STK33: variants seen among roughly 807,000 people sequenced by gnomAD.
STK33 encodes serine/threonine kinase 33, also known as serine/threonine-protein kinase 33.
In STK33, 52 loss-of-function variants were observed where a neutral mutation model predicts 58.0. The ratio of observed to expected loss-of-function variants is 0.90; its 90% CI spans 0.72 to 1.13. The LOEUF (loss-of-function observed/expected upper bound fraction) is 1.13, where lower values mean the gene tolerates loss of function less well. STK33 is among the 50% of genes most tolerant of loss of function. The probability of loss-of-function intolerance (pLI) is 0.00; values close to 1 mark genes in which losing one functional copy is unlikely to be tolerated. For synonymous variants in STK33, 215 were observed against 200.1 expected (o/e 1.07, Z -0.63); for missense variants, 630 against 604.2 (o/e 1.04, Z -0.45).
chr11:8,388,737 G>T (rs987249921), downstream of STK33, among the ~76,000 whole-genome samples: 1 of 152,124 alleles, frequency 6.6e-6, no homozygotes, highest in African/African-American at 2.4e-5. Flanking sequence ...CTCCTCCCAG[G>T]TTCTGTTGGC....
chr11:8,360,568 G>C, the STK33 span, among the ~76,000 whole-genome samples: 4 of 152,234 alleles, frequency 2.6e-5, no homozygotes, highest in African/African-American at 9.6e-5. Context: ...ACAGTCTGAT[G>C]GGCTCTCTGC....
At chr11:8,531,730 A>T (rs1591655040) in intron 1 of STK33, among the ~76,000 whole-genome samples, 2 of 152,312 alleles carry the variant, frequency 1.3e-5, no homozygotes, top group South Asian at 4.1e-4. Flanking sequence ...AGTCAGCATC[A>T]CTTCTGCCAT....
intron 1 of STK33, among the ~76,000 whole-genome samples, chr11:8,550,211 C>G (rs1272498273): frequency 1.3e-5 from 2 of 152,176 alleles, no homozygotes; most frequent in Non-Finnish European, 1.5e-5. Context: ...CTGTTTGAAA[C>G]TCTACATAAT....
the STK33 span, among the ~76,000 whole-genome samples, chr11:8,363,902 G>A: frequency 6.6e-6 from 1 of 152,142 alleles, no homozygotes; most frequent in African/African-American, 2.4e-5. Context: ...TCATTTCTTT[G>A]TAAAAAGCTT....
intron 8 of STK33, among the ~76,000 whole-genome samples, chr11:8,461,139 T>C (rs181397183): frequency 2.6e-3 from 392 of 152,312 alleles, no homozygotes; most frequent in African/African-American, 8.8e-3. Flanking sequence ...AACTAAGAAG[T>C]GGTGGAGCCA....
At chr11:8,358,009 C>T in the STK33 span, among the ~76,000 whole-genome samples, 8 of 152,300 alleles carry the variant, frequency 5.3e-5, no homozygotes, top group Admixed American at 3.3e-4. Context: ...TCTCTGGCCC[C>T]GCCTCCCCAT....
chr11:8,383,720 C>T, the STK33 span, among the ~76,000 whole-genome samples: 11 of 152,170 alleles, frequency 7.2e-5, no homozygotes, highest in Non-Finnish European at 1.3e-4. Flanking sequence ...CATTTCATGT[C>T]ATTCCACTCC....
At chr11:8,410,221 A>C (rs1939970201) in intron 15 of STK33, among the ~76,000 whole-genome samples, 1 of 152,230 alleles carries the variant, frequency 6.6e-6, no homozygotes, top group African/African-American at 2.4e-5. Context: ...TCAACATATC[A>C]AAGTATTAAA....
chr11:8,401,118 C>T (rs1001500082), intron 15 of STK33, among the ~76,000 whole-genome samples: 7 of 152,164 alleles, frequency 4.6e-5, no homozygotes, highest in Non-Finnish European at 1.0e-4. Context: ...GAAAAAACTG[C>T]TTTAAAGTTA....
intron 1 of STK33, among the ~76,000 whole-genome samples, chr11:8,562,027 G>T (rs1957146908): frequency 6.6e-6 from 1 of 152,158 alleles, no homozygotes; most frequent in African/African-American, 2.4e-5. Context: ...CTGACCACCA[G>T]AGAGGGATTG....
chr11:8,562,793 T>C, intron 1 of STK33, among the ~76,000 whole-genome samples: 1 of 152,294 alleles, frequency 6.6e-6, no homozygotes, highest in South Asian at 2.1e-4. Context: ...ATGCATAGGA[T>C]ATTAACTATC....
chr11:8,519,520 A>C (rs1487181862), intron 1 of STK33, among the ~76,000 whole-genome samples: 1 of 152,172 alleles, frequency 6.6e-6, no homozygotes, highest in African/African-American at 2.4e-5. Context: ...ACAGAGACAC[A>C]AAAAACCCTT....
At chr11:8,508,177 C>T (rs1024502491) in intron 1 of STK33, among the ~76,000 whole-genome samples, 2 of 151,958 alleles carry the variant, frequency 1.3e-5, no homozygotes, top group Non-Finnish European at 2.9e-5. Context: ...AGGTGTGAAC[C>T]ACCACGCCCA....
chr11:8,508,266 CTTTT>C (rs34759366), intron 1 of STK33, among the ~76,000 whole-genome samples: 4 of 114,252 alleles, frequency 3.5e-5, no homozygotes, highest in Non-Finnish European at 5.1e-5. Flanking sequence ...ACCTTCTATT[CTTTT>C]TTTTTTTTTT....
chr11:8,505,863 CCTTA>C (rs755918525), intron 1 of STK33, among the ~76,000 whole-genome samples: 2 of 152,178 alleles, frequency 1.3e-5, no homozygotes, highest in Non-Finnish European at 2.9e-5. Context: ...CCAACTCTGC[CCTTA>C]CTAACTAGCT....
At chr11:8,466,136 T>A (rs890313244) in intron 6 of STK33, 1 of 152,140 alleles carries the variant, frequency 6.6e-6, no homozygotes, top group African/African-American at 2.4e-5. Context: ...GGTGGGGACA[T>A]AGAGCCAAAC....
At chr11:8,371,767 CCCTCCATCCCTTCGTTCCTTTCTCCCT>C in the STK33 span, among the ~76,000 whole-genome samples, 1 of 135,118 alleles carries the variant, frequency 7.4e-6, no homozygotes, top group Non-Finnish European at 1.6e-5. Flanking sequence ...CTTCCTCTTT[CCCTCCATCCCTTCGTTCCTTTCTCCCT>C]CTCCCTCTCT....
intron 1 of STK33, among the ~76,000 whole-genome samples, chr11:8,523,743 G>T (rs903292585): frequency 6.6e-6 from 1 of 151,740 alleles, no homozygotes; most frequent in African/African-American, 2.4e-5. Flanking sequence ...TGGGAGGTGG[G>T]GGGCGCCTCT....
chr11:8,441,782 T>C (rs975016964), intron 11 of STK33, among the ~76,000 whole-genome samples: 1 of 152,134 alleles, frequency 6.6e-6, no homozygotes, highest in African/African-American at 2.4e-5. Flanking sequence ...AAATACAATA[T>C]ATGTATATAT....
Sources: gnomAD v4.1 joint callset for allele counts (sites outside exome capture counted in the v4.1 genomes callset) on GRCh38, gnomAD v4.1.1 for gene constraint, MANE v1.5 for transcripts, NCBI Gene and HGNC (gene_info 2026-07-23, HGNC 2026-07-21) for gene names.